Variants in COPG2 observed in about 807,000 individuals in gnomAD.
The protein encoded by COPG2 is coat protein complex I subunit gamma 2.
COPG2 carries 37 observed loss-of-function variants against 46.3 expected under a neutral mutation model. That is an observed-to-expected ratio of 0.80 (90% CI 0.61 to 1.05). COPG2 has a LOEUF of 1.05. COPG2 is among the 50% of genes least tolerant of loss of function. COPG2 has a pLI of 0.00. For missense variants in COPG2, 427 were observed against 387.8 expected (o/e 1.10, Z -0.85); for synonymous variants, 159 against 129.7 (o/e 1.23, Z -1.53).
chr7:130,533,915 G>A (rs1025738864), intron 20 of COPG2, among the ~76,000 whole-genome samples: 40 of 129,374 alleles, frequency 3.1e-4, no homozygotes, highest in African/African-American at 1.1e-3. Flanking sequence ...GGTCAGTGAT[G>A]TTGATGGAAA....
intron 20 of COPG2, among the ~76,000 whole-genome samples, chr7:130,536,875 G>A (rs1056788938): frequency 2.6e-5 from 4 of 152,162 alleles, no homozygotes; most frequent in African/African-American, 4.8e-5. Flanking sequence ...TGGGCTGTGC[G>A]GGTGAGAGCA....
At chr7:130,650,310 C>T (rs1463542153) in intron 5 of COPG2, among the ~76,000 whole-genome samples, 4 of 152,124 alleles carry the variant, frequency 2.6e-5, no homozygotes, top group African/African-American at 4.8e-5. Context: ...GGAATTGGGA[C>T]GTGGACATCT....
At chr7:130,531,877 G>A (rs1301275350) in intron 20 of COPG2, among the ~76,000 whole-genome samples, 2 of 152,052 alleles carry the variant, frequency 1.3e-5, no homozygotes, top group Admixed American at 6.5e-5. Flanking sequence ...CTGGGGGCAC[G>A]GACCCCCAGG....
chr7:130,607,519 C>T (rs782318172), intron 9 of COPG2: 4 of 427,424 alleles, frequency 9.4e-6, no homozygotes, highest in South Asian at 6.9e-5. Context: ...TGGGATCAAA[C>T]TCCAAACTTT....
chr7:130,630,122 A>G (rs1051124734), intron 5 of COPG2, among the ~76,000 whole-genome samples: 1 of 152,008 alleles, frequency 6.6e-6, no homozygotes, highest in Non-Finnish European at 1.5e-5. Flanking sequence ...CATGTTGGCC[A>G]GGATGGTCTC....
intron 20 of COPG2, among the ~76,000 whole-genome samples, chr7:130,517,935 T>C (rs943572343): frequency 6.8e-6 from 1 of 146,962 alleles, no homozygotes; most frequent in African/African-American, 2.5e-5. Context: ...TTGTTGAAGA[T>C]TGCAATGAGT....
At chr7:130,651,794 G>A (rs1554459161) in intron 5 of COPG2, among the ~76,000 whole-genome samples, 1 of 151,934 alleles carries the variant, frequency 6.6e-6, no homozygotes, top group African/African-American at 2.4e-5. Flanking sequence ...GGGATTACAG[G>A]TGTGAGCCAC....
At chr7:130,646,903 G>C (rs1795604604) in intron 5 of COPG2, among the ~76,000 whole-genome samples, 1 of 142,188 alleles carries the variant, frequency 7.0e-6, no homozygotes, top group Non-Finnish European at 1.5e-5. Context: ...AAATTACCCA[G>C]TCTCGGATAG....
At chr7:130,590,412 C>T (rs1442574645) in intron 9 of COPG2, among the ~76,000 whole-genome samples, 1 of 152,236 alleles carries the variant, frequency 6.6e-6, no homozygotes, top group South Asian at 2.1e-4. Flanking sequence ...CGCGCCGCCA[C>T]GCCTGACTGG....
At position 130,554,511 on chromosome 7, in the gene COPG2, C is replaced by A. The variant is rs1793586916; in HGVS notation, c.1438G>T (p.Val480Phe). The A allele has an allele frequency of 2.5e-6, 1 of 398,436 alleles. No homozygotes were observed. The highest frequency in any genetic ancestry group is 4.4e-6 in the Non-Finnish European group (1 of 226,070). 24.7% of individuals were successfully genotyped at this position (398,436 alleles called of 1,614,324 possible). Residue 480 changes from valine (V) to phenylalanine (F), a missense_variant, in exon 14 of 24, where the codon GTT becomes TTT. Coordinates refer to ENST00000425248, the MANE Select transcript of COPG2 (RefSeq NM_012133.6). ...SKYIRFIFNR[V>F]VLENEAVRAA... ...CTGACAGCCTCATTCTCCAGGACAA[C>A]CCTATTAAAAATAAAACGGATATAT...
intron 5 of COPG2, among the ~76,000 whole-genome samples, chr7:130,625,422 C>A (rs1795101296): frequency 2.6e-5 from 4 of 152,000 alleles, no homozygotes; most frequent in Admixed American, 6.6e-5. Flanking sequence ...TAAATACCTC[C>A]AGCACAATGT....
chr7:130,643,572 C>T (rs1795533141), intron 5 of COPG2, among the ~76,000 whole-genome samples: 1 of 152,042 alleles, frequency 6.6e-6, no homozygotes, highest in East Asian at 1.9e-4. Context: ...TCTTTTAACT[C>T]AAGGCCAAGC....
At chr7:130,646,997 GTGTATATATATATGTATA>G (rs1563070234) in intron 5 of COPG2, among the ~76,000 whole-genome samples, 1 of 40,982 alleles carries the variant, frequency 2.4e-5, no homozygotes, top group Non-Finnish European at 7.9e-5. Context: ...ATATATATAT[GTGTATATATATATGTATA>G]TATATATATG....
At chr7:130,571,843 C>CTATA (rs1235145325) in intron 9 of COPG2, among the ~76,000 whole-genome samples, 55 of 151,010 alleles carry the variant, frequency 3.6e-4, no homozygotes, top group African/African-American at 1.3e-3. Context: ...CCCTCTCTCT[C>CTATA]TCTATATATA....
At chr7:130,550,854 T>C (rs1793527024) in intron 16 of COPG2, among the ~76,000 whole-genome samples, 1 of 152,158 alleles carries the variant, frequency 6.6e-6, no homozygotes, top group South Asian at 2.1e-4. Context: ...CAAGGAAACA[T>C]GGGAGCATAG....
rs1227974692 is a variant in COPG2 at position 130,589,803 on chromosome 7, T to C, written c.737+21150A>G. 5.9e-5 allele frequency among the ~76,000 whole-genome samples: 9 copies of C among 152,324 alleles called. No homozygotes were observed. The South Asian group carries it at 8.3e-4, about 14-fold the overall frequency. On this transcript the variant is annotated intron_variant, in intron 9 of 23. Coordinates refer to ENST00000425248, the MANE Select transcript of COPG2 (RefSeq NM_012133.6). ...GTGAGGTGATGCTTATTTTTGTTTA[T>C]TGGCAGGTGCATTTCCTCATCTGGA...
At chr7:130,571,794 C>T (rs1793905806) in intron 9 of COPG2, among the ~76,000 whole-genome samples, 1 of 151,986 alleles carries the variant, frequency 6.6e-6, no homozygotes, top group African/African-American at 2.4e-5. Flanking sequence ...GGAACCAGCC[C>T]AAATGCCCAT....
intron 5 of COPG2, chr7:130,645,397 G>C (rs1441189228): frequency 3.8e-6 from 2 of 522,588 alleles, no homozygotes; most frequent in Non-Finnish European, 7.7e-6. Context: ...CGACTCCATG[G>C]GCTCCACCCG....
intron 21 of COPG2, 93 bp from the exon 22 acceptor site, chr7:130,507,916 G>GAA (rs1799527607): frequency 1.4e-6 from 1 of 702,128 alleles, no homozygotes; most frequent in Admixed American, 2.2e-5. Context: ...GGAGCCTAGA[G>GAA]AAAACTCTAC....
Sources: allele counts gnomAD v4.1 joint callset (sites outside exome capture counted in the v4.1 genomes callset), GRCh38; gene constraint gnomAD v4.1.1; transcripts MANE v1.5; gene names NCBI Gene and HGNC (gene_info 2026-07-23, HGNC 2026-07-21).